The following CAPN9 variants were observed in gnomAD, a reference collection of about 807,000 sequenced individuals.
CAPN9 encodes calpain 9.
CAPN9 carries 81 observed loss-of-function variants against 92.8 expected under a neutral mutation model. That is an observed-to-expected ratio of 0.87 (90% CI 0.73 to 1.05). The LOEUF is 1.05. CAPN9 is among the 50% of genes least tolerant of loss of function. CAPN9 has a pLI of 0.00. For synonymous variants in CAPN9, 304 were observed against 328.0 expected (o/e 0.93, Z 0.79); for missense variants, 848 against 866.2 (o/e 0.98, Z 0.26).
Position 230,795,188 on chromosome 1 carries a change from G to T in CAPN9, c.1896G>T (p.Leu632=). The change falls in exon 18 of 20, where the codon CTG becomes CTT. Residue 632 remains leucine (L), a synonymous_variant. Transcript: ENST00000271971. ...AAGFQLSSHL[L]QLIVLRYADE... is the part of the protein sequence containing the mutation. Reference sequence around the variant, plus strand: ...GCTTTCAGCTGAGCAGCCACCTCCTGCAGCTGATTGTGCTCAGGTATGCGG... The same window carrying T: ...GCTTTCAGCTGAGCAGCCACCTCCTTCAGCTGATTGTGCTCAGGTATGCGG... 6.2e-7 allele frequency: 1 copy of T among 1,612,730 alleles called. No individual in the cohort carries two copies. The highest frequency in any genetic ancestry group is 8.5e-7 in the Non-Finnish European group (1 of 1,179,102).
intron 13 of CAPN9, among the ~76,000 whole-genome samples, chr1:230,788,266 G>A (rs930919339): frequency 2.6e-5 from 4 of 152,162 alleles, no homozygotes; most frequent in East Asian, 1.9e-4. Flanking sequence ...AGGGGATCAT[G>A]TTCAAGGAGG....
chr1:230,755,769 T>C (rs193301429), intron 2 of CAPN9, among the ~76,000 whole-genome samples: 1 of 152,276 alleles, frequency 6.6e-6, no homozygotes, highest in East Asian at 1.9e-4. Flanking sequence ...CATTCCATCT[T>C]CACAACCCAC....
In CAPN9 at chr1:230,801,820, C is replaced by T. The variant is rs1038067736; in HGVS notation, c.*224C>T. The T allele has an allele frequency of 2.1e-5, 12 of 568,938 alleles. No individual in the cohort carries two copies. Among genetic ancestry groups the T allele is most frequent in the East Asian group, 5.6e-5 (2 of 35,678 alleles). 35.2% of individuals were successfully genotyped at this position (568,938 alleles called of 1,614,324 possible). A position where few individuals can be genotyped will look rare whatever the true frequency, so the allele number is the denominator to read the frequency against. ...GTCACTGCCTTAAGGGGGCTGATGG[C>T]GCCACCTGTGCCTTACATCCAGGTT... On this transcript the variant is annotated 3_prime_UTR_variant, in exon 20 of 20. Transcript: ENST00000271971.
At chr1:230,800,264 AAGAAAG>A (rs1194826807) in intron 19 of CAPN9, among the ~76,000 whole-genome samples, 1 of 133,526 alleles carries the variant, frequency 7.5e-6, no homozygotes, top group Non-Finnish European at 1.6e-5. Flanking sequence ...GAAAGAAAGA[AAGAAAG>A]AAAGAAAGAA....
chr1:230,768,476 A>G (rs887885096), intron 5 of CAPN9, among the ~76,000 whole-genome samples: 11 of 151,526 alleles, frequency 7.3e-5, no homozygotes, highest in African/African-American at 2.4e-4. Flanking sequence ...ACTTCCACAC[A>G]CAAACATCAA....
rs145244354 is a variant in CAPN9 at position 230,779,786 on chromosome 1, G to A, written c.1115-393G>A. ...GCTCGAGGTCAATCCTACTCAAACG[G>A]CCCACCATCAAGTAGATGCCAGGGG... is the stretch of plus-strand genomic sequence containing the variant. On this transcript the variant is annotated intron_variant, in intron 9 of 19. Coordinates refer to ENST00000271971, the MANE Select transcript of CAPN9 (RefSeq NM_006615.3). Among the ~76,000 whole-genome samples, 1,156 of 152,192 alleles carry A rather than the reference G, an allele frequency of 7.6e-3. 11 individuals carry two copies. Among genetic ancestry groups the A allele is most frequent in the South Asian group, 0.02 (96 of 4,820 alleles).
chr1:230,784,703 G>A (rs374674331), intron 11 of CAPN9, among the ~76,000 whole-genome samples: 5 of 152,262 alleles, frequency 3.3e-5, no homozygotes, highest in Admixed American at 1.3e-4. Context: ...GCATGCCTAG[G>A]CAAAAGCTTG....
chr1:230,769,214 C>G lies in CAPN9; in HGVS notation c.740C>G (p.Pro247Arg). The G allele has an allele frequency of 2.5e-6, 4 of 1,614,116 alleles. No homozygotes were observed. The highest frequency in any genetic ancestry group is 3.4e-6 in the Non-Finnish European group (4 of 1,179,990). Residue 247 changes from proline (P) to arginine (R), a missense_variant, in exon 6 of 20, where the codon CCG becomes CGG. Physicochemically the swap from Pro to Arg is moderately radical, Grantham distance 103. Coordinates refer to ENST00000271971, the MANE Select transcript of CAPN9 (RefSeq NM_006615.3). ...GCTGCAGAATCTGAGGCCCGGACGC[C>G]GTTTGGTCTTATTAAGGGTCATGCC... ...RSAAESEART[P>R]FGLIKGHAYS...
intron 1 of CAPN9, among the ~76,000 whole-genome samples, chr1:230,748,721 GCT>G (rs1409606971): frequency 3.9e-5 from 6 of 152,098 alleles, no homozygotes; most frequent in African/African-American, 1.2e-4. Flanking sequence ...ATGATTATTA[GCT>G]CTGAGTCTCA....
chr1:230,777,625 A>G lies in CAPN9; in HGVS notation c.954-1348A>G, dbSNP rs11122598. Among the ~76,000 whole-genome samples the G allele has an allele frequency of 6.9e-3, 1,055 of 151,976 alleles. 16 individuals carry two copies. Among genetic ancestry groups the G allele is most frequent in the African/African-American group, 0.023 (972 of 41,436 alleles). On this transcript the variant is annotated intron_variant, in intron 8 of 19. Transcript: ENST00000271971. ...TCCTGTCCTCTACAGCAAGCCCGCC[A>G]GTTCCTCTTCTCCCTTACTCTCTCG...
chr1:230,786,502 G>A (rs1667595234), intron 12 of CAPN9, among the ~76,000 whole-genome samples: 1 of 152,214 alleles, frequency 6.6e-6, no homozygotes, highest in African/African-American at 2.4e-5. Flanking sequence ...AAGCCAGTCT[G>A]ATGTTGGACA....
intron 1 of CAPN9, among the ~76,000 whole-genome samples, chr1:230,752,058 G>A (rs1181146146): frequency 1.3e-5 from 2 of 152,084 alleles, no homozygotes; most frequent in African/African-American, 2.4e-5. Flanking sequence ...ATCCAGGATC[G>A]ACACGCACAT....
intron 5 of CAPN9, 71 bp from the exon 6 acceptor site, chr1:230,769,109 A>G: frequency 8.1e-7 from 1 of 1,235,906 alleles, no homozygotes; most frequent in Non-Finnish European, 1.2e-6. Flanking sequence ...CCAGGCATGT[A>G]GCTGGGTCTG....
At chr1:230,800,430 A>AT (rs1484766545) in intron 19 of CAPN9, among the ~76,000 whole-genome samples, 2 of 151,984 alleles carry the variant, frequency 1.3e-5, no homozygotes, top group African/African-American at 2.4e-5. Flanking sequence ...GTGGAAGGAG[A>AT]CAGTGGGAAG....
chr1:230,788,288 T>C (rs1436397320), intron 13 of CAPN9, among the ~76,000 whole-genome samples: 2 of 152,128 alleles, frequency 1.3e-5, no homozygotes, highest in Admixed American at 1.3e-4. Context: ...CCCTATTCAA[T>C]TGCAACTTCC....
rs557882085 is a variant in CAPN9 at position 230,766,406 on chromosome 1, C to T, written c.537-1135C>T. The stretch of plus-strand genomic sequence containing the variant: ...TGATCAAATCAGGGTAATTGAGATA[C>T]TTATCACCTCAAGCATTTATCATTT... On this transcript the variant is annotated intron_variant, in intron 4 of 19. Coordinates refer to ENST00000271971, the MANE Select transcript of CAPN9 (RefSeq NM_006615.3). 1.1e-3 allele frequency among the ~76,000 whole-genome samples: 169 copies of T among 152,330 alleles called. 1 individual carries two copies. The highest frequency in any genetic ancestry group is 1.5e-4 in the Non-Finnish European group (10 of 68,026).
At chr1:230,767,781 G>T in intron 5 of CAPN9, 72 bp downstream of exon 5, 2 of 1,423,216 alleles carry the variant, frequency 1.4e-6, no homozygotes, top group South Asian at 2.7e-5. Context: ...CACTATGCTG[G>T]GGCTGTACCA....
At chr1:230,751,730 G>C (rs1356028245) in intron 1 of CAPN9, among the ~76,000 whole-genome samples, 4 of 151,948 alleles carry the variant, frequency 2.6e-5, no homozygotes, top group Admixed American at 2.6e-4. Context: ...CTTAGTAGAG[G>C]AAAGTGTGTC....
intron 6 of CAPN9, among the ~76,000 whole-genome samples, chr1:230,770,763 A>G (rs1666338162): frequency 3.3e-5 from 5 of 152,186 alleles, no homozygotes; most frequent in Admixed American, 3.3e-4. Context: ...TGCCCACTCC[A>G]TGCCTCCCTG....
Sources: allele counts gnomAD v4.1 joint callset (sites outside exome capture counted in the v4.1 genomes callset), GRCh38; gene constraint gnomAD v4.1.1; transcripts MANE v1.5; gene names NCBI Gene and HGNC (gene_info 2026-07-23, HGNC 2026-07-21).